Variants in JDP2 observed in about 807,000 individuals in gnomAD.
JDP2 encodes the protein Jun dimerization protein 2.
JDP2 carries 9 observed loss-of-function variants against 17.1 expected under a neutral mutation model. The ratio of observed to expected loss-of-function variants is 0.53; its 90% confidence interval spans 0.32 to 0.92. The LOEUF is 0.92. Ranked by LOEUF, JDP2 falls within the 40% of genes least tolerant of loss-of-function variation. The pLI is 0.04. For synonymous variants in JDP2, 107 were observed against 95.6 expected, an observed-to-expected ratio of 1.12 and a Z score of -0.69; for missense variants, 179 against 220.0, an observed-to-expected ratio of 0.81 and a Z score of 1.18.
At chr14:75,445,312 C>G (rs1885547135) in intron 2 of JDP2, 2 of 985,536 alleles carry the variant, frequency 2.0e-6, no homozygotes, top group Non-Finnish European at 2.4e-6. Context: ...TGGGCCTCCT[C>G]TGGGTTTAGC....
At chr14:75,440,128 A>T (rs1484184664) in intron 2 of JDP2, among the ~76,000 whole-genome samples, 1 of 152,234 alleles carries the variant, frequency 6.6e-6, no homozygotes, top group African/African-American at 2.4e-5. Context: ...CCCGACAGTG[A>T]CGTGCTGTCC....
intron 2 of JDP2, among the ~76,000 whole-genome samples, chr14:75,439,744 T>C (rs1885248145): frequency 6.6e-6 from 1 of 152,244 alleles, no homozygotes; most frequent in African/African-American, 2.4e-5. Context: ...TCCCGGCTTA[T>C]ATAGTGTTCT....
At chr14:75,450,403 T>C (rs1885793345) in intron 2 of JDP2, among the ~76,000 whole-genome samples, 1 of 152,238 alleles carries the variant, frequency 6.6e-6, no homozygotes, top group Non-Finnish European at 1.5e-5. Flanking sequence ...AATCTAAGGC[T>C]GGAGCTTAGT....
Position 75,469,658 on chromosome 14 carries a change from G to A in JDP2, c.*183G>A. The A allele has an allele frequency of 1.7e-6, 1 of 603,172 alleles. No individual in the cohort carries two copies. Among genetic ancestry groups the A allele is most frequent in the Non-Finnish European group, 2.9e-6 (1 of 346,228 alleles). The allele number at this position is 603,172 out of a possible 1,614,324, so 37.4% of individuals were successfully genotyped here. ...TCAGATCAGCCACCCAGGAGGAAGA[G>A]CGGGCTGAGGAAACCCAGAGGGACC... On this transcript the variant is annotated 3_prime_UTR_variant, in exon 4 of 4. Transcript: ENST00000651602.
At chr14:75,437,297 C>T (rs1286439604) in intron 1 of JDP2, among the ~76,000 whole-genome samples, 2 of 152,162 alleles carry the variant, frequency 1.3e-5, no homozygotes, top group African/African-American at 4.8e-5. Flanking sequence ...CACACACTCA[C>T]CTTTAACTTA....
chr14:75,436,332 C>T (rs1408106175), intron 1 of JDP2, among the ~76,000 whole-genome samples: 1 of 152,188 alleles, frequency 6.6e-6, no homozygotes, highest in East Asian at 1.9e-4. Context: ...ATTAACTGCC[C>T]AACGGAGAAG....
chr14:75,461,529 G>A lies in JDP2; in HGVS notation c.305G>A (p.Arg102Gln), dbSNP rs140072972. The A allele has an allele frequency of 3.8e-5, 60 of 1,599,380 alleles. No homozygotes were observed. The highest frequency in any genetic ancestry group is 3.5e-5 in the Admixed American group (2 of 57,194). ...KKKERTEFLQ[R>Q]ESERLELMNA... is the part of the protein sequence containing the mutation. The stretch of plus-strand genomic sequence containing the variant: ...AAGGAGCGCACGGAGTTTCTGCAGC[G>A]GGTGAGCTGACCGGGTGGGTGGGGA... The change falls in exon 3 of 4, where the codon CGG becomes CAG. Residue 102 changes from arginine (R) to glutamine (Q), a missense_variant and splice_region_variant. Transcript: ENST00000651602.
intron 2 of JDP2, among the ~76,000 whole-genome samples, chr14:75,439,724 T>C (rs1458662823): frequency 2.0e-5 from 3 of 152,228 alleles, no homozygotes; most frequent in Non-Finnish European, 4.4e-5. Flanking sequence ...CAATGTGTCG[T>C]TGGGGCACAT....
chr14:75,450,318 C>G (rs1439706944), intron 2 of JDP2, among the ~76,000 whole-genome samples: 1 of 152,222 alleles, frequency 6.6e-6, no homozygotes, highest in African/African-American at 2.4e-5. Flanking sequence ...CACACTCATT[C>G]CCCTTCTCTG....
intron 2 of JDP2, among the ~76,000 whole-genome samples, chr14:75,441,237 C>T (rs982980647): frequency 3.3e-5 from 5 of 152,182 alleles, no homozygotes; most frequent in African/African-American, 4.8e-5. Flanking sequence ...GGCCAGCAGT[C>T]TCCTGGGCTC....
At chr14:75,468,087 G>A (rs1886647792) in intron 3 of JDP2, among the ~76,000 whole-genome samples, 3 of 152,154 alleles carry the variant, frequency 2.0e-5, no homozygotes, top group Non-Finnish European at 2.9e-5. Context: ...ACCCTGCCAG[G>A]AGGACTGGCA....
At chr14:75,455,761 C>T (rs1002103265) in intron 2 of JDP2, among the ~76,000 whole-genome samples, 2 of 152,148 alleles carry the variant, frequency 1.3e-5, no homozygotes, top group Non-Finnish European at 2.9e-5. Context: ...CGTGACTCCA[C>T]TGCTGCTGGT....
chr14:75,442,135 C>T (rs532662194), intron 2 of JDP2, among the ~76,000 whole-genome samples: 10 of 152,262 alleles, frequency 6.6e-5, no homozygotes, highest in Admixed American at 2.6e-4. Flanking sequence ...GGGCAGGAGT[C>T]GGCCTACAGA....
chr14:75,432,740 A>G (rs74067232), intron 1 of JDP2, among the ~76,000 whole-genome samples: 1,641 of 152,312 alleles, frequency 0.011, 29 homozygotes, highest in African/African-American at 0.037. Context: ...TTCTATGGAC[A>G]GAAAGTTCAT....
chr14:75,436,553 C>T (rs569467697), intron 1 of JDP2, among the ~76,000 whole-genome samples: 60 of 152,362 alleles, frequency 3.9e-4, no homozygotes, highest in Non-Finnish European at 6.9e-4. Flanking sequence ...CAGTTTTGTA[C>T]TAACATGCTA....
intron 2 of JDP2, among the ~76,000 whole-genome samples, chr14:75,460,896 G>A (rs1886321813): frequency 6.6e-6 from 1 of 152,116 alleles, no homozygotes; most frequent in East Asian, 1.9e-4. Context: ...ATAAAGAAAA[G>A]AAATTTATTT....
chr14:75,469,559 C>T lies in JDP2; in HGVS notation c.*84C>T. ...GAGGAGGAGGGGGGCCCCAGATGGC[C>T]CTTCCTTTGGTGCATGAAAAACTGT... On this transcript the variant is annotated 3_prime_UTR_variant, in exon 4 of 4. Coordinates refer to ENST00000651602, the MANE Select transcript of JDP2 (RefSeq NM_001135048.2). 7.9e-7 allele frequency: 1 copy of T among 1,258,442 alleles called. No homozygotes were observed. Among genetic ancestry groups the T allele is most frequent in the Non-Finnish European group, 1.1e-6 (1 of 902,992 alleles). The allele number at this position is 1,258,442 out of a possible 1,614,324, so 78.0% of individuals were successfully genotyped here.
chr14:75,439,620 G>A (rs1126339), intron 2 of JDP2, among the ~76,000 whole-genome samples: 71,972 of 152,068 alleles, frequency 0.47, 17,270 homozygotes, highest in East Asian at 0.63. Context: ...CTCAAGACAC[G>A]TGGATAAGGT....
intron 2 of JDP2, among the ~76,000 whole-genome samples, chr14:75,442,542 CTT>C (rs1885404068): frequency 6.6e-6 from 1 of 152,200 alleles, no homozygotes; most frequent in African/African-American, 2.4e-5. Flanking sequence ...TGGCAAGTCA[CTT>C]AAACTTTATT....
Sources: gnomAD v4.1 joint callset for allele counts (sites outside exome capture counted in the v4.1 genomes callset) on GRCh38, gnomAD v4.1.1 for gene constraint, MANE v1.5 for transcripts, NCBI Gene and HGNC (gene_info 2026-07-23, HGNC 2026-07-21) for gene names.